The following JMJD1C variants were observed in gnomAD, a reference collection of about 807,000 sequenced individuals.
JMJD1C encodes jumonji domain-containing protein 1C.
In JMJD1C, 31 loss-of-function variants were observed where a neutral mutation model predicts 245.3. The ratio of observed to expected loss-of-function variants is 0.13; its 90% confidence interval spans 0.09 to 0.17. The LOEUF (loss-of-function observed/expected upper bound fraction) is 0.17. JMJD1C is among the 10% of genes least tolerant of loss of function. JMJD1C has a pLI of 1.00. For synonymous variants in JMJD1C, 1,057 were observed against 1,017.4 expected (o/e 1.04, Z -0.74); for missense variants, 2,691 against 3,000.2 (o/e 0.90, Z 2.41).
intron 3 of JMJD1C, among the ~76,000 whole-genome samples, chr10:63,235,752 A>T (rs1314598765): frequency 6.6e-6 from 1 of 152,204 alleles, no homozygotes; most frequent in Non-Finnish European, 1.5e-5. Context: ...AAGGCAAATC[A>T]GCAAAGGTCT....
intron 2 of JMJD1C, among the ~76,000 whole-genome samples, chr10:63,342,203 T>A (rs1261169766): frequency 6.6e-6 from 1 of 152,166 alleles, no homozygotes; most frequent in African/African-American, 2.4e-5. Context: ...GCCAAAATGG[T>A]TCTGAGTCAA....
At chr10:63,478,939 C>T (rs1953745598) in intron 1 of JMJD1C, among the ~76,000 whole-genome samples, 1 of 152,100 alleles carries the variant, frequency 6.6e-6, no homozygotes, top group Non-Finnish European at 1.5e-5. Flanking sequence ...TGCACTCCAA[C>T]CTCCAACAGA....
At chr10:63,410,150 G>A (rs1209819616) in intron 1 of JMJD1C, among the ~76,000 whole-genome samples, 2 of 152,060 alleles carry the variant, frequency 1.3e-5, no homozygotes, top group Non-Finnish European at 2.9e-5. Context: ...CAGACCCTAG[G>A]TATTCCTACT....
chr10:63,440,365 T>TATATATATAG (rs749850334), intron 1 of JMJD1C, among the ~76,000 whole-genome samples: 5 of 138,286 alleles, frequency 3.6e-5, no homozygotes, highest in African/African-American at 1.1e-4. Flanking sequence ...TATATATATA[T>TATATATATAG]AGAGAGAGAG....
intron 1 of JMJD1C, among the ~76,000 whole-genome samples, chr10:63,503,362 A>C (rs1564975125): frequency 1.3e-5 from 2 of 152,218 alleles, no homozygotes; most frequent in African/African-American, 4.8e-5. Flanking sequence ...CTGGGAGACA[A>C]ATTATTAATA....
intron 3 of JMJD1C, among the ~76,000 whole-genome samples, chr10:63,227,109 G>A (rs989737512): frequency 2.6e-5 from 4 of 152,004 alleles, no homozygotes; most frequent in Non-Finnish European, 5.9e-5. Flanking sequence ...TTGACAGTAA[G>A]ACTACTGTAC....
At chr10:63,312,867 T>C (rs1158939988) in intron 2 of JMJD1C, among the ~76,000 whole-genome samples, 1 of 152,234 alleles carries the variant, frequency 6.6e-6, no homozygotes, top group East Asian at 1.9e-4. Context: ...TCTGTGCCTT[T>C]GGATGAGCCA....
At chr10:63,417,219 G>A (rs757823538) in intron 1 of JMJD1C, among the ~76,000 whole-genome samples, 4 of 152,050 alleles carry the variant, frequency 2.6e-5, no homozygotes, top group Non-Finnish European at 4.4e-5. Flanking sequence ...GAATGCAACC[G>A]GTTATCAAAG....
intron 2 of JMJD1C, among the ~76,000 whole-genome samples, chr10:63,370,274 T>C (rs181094593): frequency 2.0e-5 from 3 of 152,318 alleles, no homozygotes; most frequent in Middle Eastern, 3.4e-3. Flanking sequence ...GTGGATGGTT[T>C]TGGGAATGCC....
At chr10:63,327,124 C>T (rs192617857) in intron 2 of JMJD1C, among the ~76,000 whole-genome samples, 5 of 152,144 alleles carry the variant, frequency 3.3e-5, no homozygotes, top group Admixed American at 2.6e-4. Flanking sequence ...GAGGCTGATG[C>T]TACAGTGAGC....
intron 1 of JMJD1C, among the ~76,000 whole-genome samples, chr10:63,472,271 C>A (rs951449428): frequency 2.6e-5 from 4 of 151,966 alleles, no homozygotes; most frequent in Admixed American, 2.6e-4. Flanking sequence ...GCAATTGCTT[C>A]ATTTGCTTTT....
rs140443863 is a variant in JMJD1C at position 63,174,123 on chromosome 10, A to G, written c.7401+2174T>C. ...AAATGGAACAACCAATTTAGAGAAT[A>G]GTCTGGCAGTTTCTTAAATTTAATC... On this transcript the variant is annotated intron_variant, in intron 24 of 25. Coordinates refer to ENST00000399262, the MANE Select transcript of JMJD1C (RefSeq NM_032776.3). 2.7e-3 allele frequency among the ~76,000 whole-genome samples: 418 copies of G among 152,356 alleles called. 4 individuals carry two copies. Among genetic ancestry groups the G allele is most frequent in the African/African-American group, 9.6e-3 (398 of 41,574 alleles).
At position 63,208,367 on chromosome 10, in the gene JMJD1C, A is replaced by C; in HGVS notation, c.3302T>G (p.Val1101Gly). ...SNYFTTLSNS[V>G]VNEPPRSYPS... ...GTATGATCTTGGTGGTTCATTGACC[A>C]CACTATTAGACAATGTAGTGAAATA... The change falls in exon 10 of 26, where the codon GTG becomes GGG. Residue 1101 changes from valine to glycine, a missense_variant. This residue lies in a region of JMJD1C where 1,562 missense variants were observed against 1,490.7 expected (regional missense o/e 1.05). Coordinates refer to ENST00000399262, the MANE Select transcript of JMJD1C (RefSeq NM_032776.3). 6.2e-7 allele frequency: 1 copy of C among 1,613,582 alleles called. No individual in the cohort carries two copies. Among genetic ancestry groups the C allele is most frequent in the Non-Finnish European group, 8.5e-7 (1 of 1,179,528 alleles).
chr10:63,493,249 C>CTTTTTTTTTTTT lies in JMJD1C; in HGVS notation n.113+28477_113+28488dup, dbSNP rs752941477. On this transcript the variant is annotated intron_variant and non_coding_transcript_variant, in intron 1 of 3. Transcript: ENST00000633035. ...GTAGATGGGAACAAAACTGTTATTT[C>CTTTTTTTTTTTT]TTTTTTTTTTTTTTTTTTTTTTTTT... Among the ~76,000 whole-genome samples the CTTTTTTTTTTTT allele has an allele frequency of 4.5e-3, 219 of 49,146 alleles. 24 individuals carry two copies. The highest frequency in any genetic ancestry group is 7.6e-3 in the South Asian group (6 of 790). The allele number at this position is 49,146 out of a possible 152,430, so 32.2% of individuals were successfully genotyped here.
At chr10:63,191,865 C>T (rs542248250) in intron 16 of JMJD1C, among the ~76,000 whole-genome samples, 1 of 134,700 alleles carries the variant, frequency 7.4e-6, no homozygotes, top group East Asian at 2.2e-4. Flanking sequence ...CGTGCCTGTA[C>T]TCCCCGCTAC....
At position 63,219,589 on chromosome 10, in the gene JMJD1C, GAA is replaced by G. The variant is rs1326203962; in HGVS notation, c.553+287_553+288del. The stretch of plus-strand genomic sequence containing the variant: ...CTGCAAACAATGCTTCCTTCTCCAG[GAA>G]AGACACACCTAAAGAATTCCATAAT... On this transcript the variant is annotated intron_variant, in intron 4 of 25. Transcript: ENST00000399262. Among the ~76,000 whole-genome samples, 56 of 152,090 alleles carry G rather than the reference GAA, an allele frequency of 3.7e-4. 1 individual carries two copies. Among genetic ancestry groups the G allele is most frequent in the Non-Finnish European group, 4.4e-5 (3 of 67,998 alleles).
intron 2 of JMJD1C, among the ~76,000 whole-genome samples, chr10:63,315,491 G>C (rs940926140): frequency 1.1e-4 from 17 of 152,148 alleles, no homozygotes; most frequent in African/African-American, 4.1e-4. Context: ...AATCCACTCA[G>C]TTTTTATTTG....
In JMJD1C at chr10:63,502,636, C is replaced by CA. The variant is rs67729776; in HGVS notation, n.113+19101dup. On this transcript the variant is annotated intron_variant and non_coding_transcript_variant, in intron 1 of 3. Coordinates refer to the JMJD1C transcript ENST00000633035. ...TGGGTGACAGAGCGAGACTTTGTCT[C>CA]AAAAAAAAAAAAAAAAAAAAAAACC... 5.5e-3 allele frequency among the ~76,000 whole-genome samples: 363 copies of CA among 65,802 alleles called. 1 individual carries two copies. Among genetic ancestry groups the CA allele is most frequent in the African/African-American group, 0.013 (243 of 18,020 alleles). 43.2% of individuals were successfully genotyped at this position (65,802 alleles called of 152,430 possible).
At chr10:63,227,972 A>G (rs1849506077) in intron 3 of JMJD1C, among the ~76,000 whole-genome samples, 1 of 152,244 alleles carries the variant, frequency 6.6e-6, no homozygotes, top group South Asian at 2.1e-4. Context: ...ATTTGCTGGG[A>G]CAAGAAATAT....
Sources: gnomAD v4.1 joint callset for allele counts (sites outside exome capture counted in the v4.1 genomes callset) on GRCh38, gnomAD v4.1.1 for gene constraint, gnomAD v4.1.1 regional missense constraint, MANE v1.5 for transcripts, NCBI Gene and HGNC (gene_info 2026-07-23, HGNC 2026-07-21) for gene names.